KRABD5: variants seen among roughly 807,000 people sequenced by gnomAD.
The protein encoded by KRABD5 is KRAB domain containing 5.
chr16:31,723,139 T>G, the KRABD5 span: 1 of 1,085,424 alleles, frequency 9.2e-7, no homozygotes, highest in South Asian at 1.5e-5. Flanking sequence ...CAGGAAACAG[T>G]ATTTGGGGAA....
chr16:31,722,738 A>G, the KRABD5 span: 43 of 1,605,250 alleles, frequency 2.7e-5, no homozygotes, highest in Admixed American at 5.2e-5. Flanking sequence ...AACTACGGAA[A>G]CCTGGTCTCT....
At chr16:31,725,245 A>G in the KRABD5 span, among the ~76,000 whole-genome samples, 1 of 152,064 alleles carries the variant, frequency 6.6e-6, no homozygotes, top group Non-Finnish European at 1.5e-5. Flanking sequence ...CCTCCCAAGT[A>G]GCTGGGATTA....
the KRABD5 span, among the ~76,000 whole-genome samples, chr16:31,746,440 G>T: frequency 6.6e-6 from 1 of 152,072 alleles, no homozygotes; most frequent in African/African-American, 2.4e-5. Flanking sequence ...TTGAATATTG[G>T]CCCCCAGTCT....
chr16:31,747,462 G>A, the KRABD5 span, among the ~76,000 whole-genome samples: 41 of 152,176 alleles, frequency 2.7e-4, no homozygotes, highest in African/African-American at 9.9e-4. Context: ...ATGTGCATGT[G>A]TCTTTATAGA....
the KRABD5 span, chr16:31,755,053 T>C: frequency 2.1e-6 from 1 of 477,648 alleles, no homozygotes; most frequent in Non-Finnish European, 4.3e-6. Context: ...CTTACAAATG[T>C]AAAGAATGTG....
chr16:31,754,707 C>T, the KRABD5 span: 85 of 458,434 alleles, frequency 1.9e-4, no homozygotes, highest in East Asian at 2.3e-3. Context: ...GGAGAAAAGT[C>T]ACACAGATGT....
the KRABD5 span, among the ~76,000 whole-genome samples, chr16:31,752,628 A>C: frequency 2.0e-5 from 3 of 152,172 alleles, no homozygotes; most frequent in Non-Finnish European, 2.9e-5. Flanking sequence ...CACTTTGAGA[A>C]TCTGAGGCTA....
chr16:31,713,578 TGGC>T, the KRABD5 span: 53 of 1,267,022 alleles, frequency 4.2e-5, no homozygotes, highest in Non-Finnish European at 5.0e-5. Context: ...CGCCGCAAGA[TGGC>T]GGCCGGGCCG....
the KRABD5 span, among the ~76,000 whole-genome samples, chr16:31,716,321 C>T: frequency 6.6e-6 from 1 of 152,192 alleles, no homozygotes; most frequent in Non-Finnish European, 1.5e-5. Context: ...CCAGTCCTTC[C>T]ACCAGTTCTG....
At chr16:31,751,502 C>CAT in the KRABD5 span, among the ~76,000 whole-genome samples, 1,386 of 152,266 alleles carry the variant, frequency 9.1e-3, 7 homozygotes, top group Non-Finnish European at 0.014. Context: ...CTTCCCTATT[C>CAT]AATCTTTGGA....
At chr16:31,756,259 T>C in the KRABD5 span, 1 of 152,206 alleles carries the variant, frequency 6.6e-6, no homozygotes, top group Non-Finnish European at 1.5e-5. Context: ...CTCTTTGTGT[T>C]TGAATCATTA....
the KRABD5 span, among the ~76,000 whole-genome samples, chr16:31,725,095 T>C: frequency 6.8e-6 from 1 of 146,440 alleles, no homozygotes; most frequent in African/African-American, 2.5e-5. Context: ...CAGATATCTC[T>C]TTAACATACT....
At chr16:31,716,997 GTTTTT>G in the KRABD5 span, among the ~76,000 whole-genome samples, 3 of 81,166 alleles carry the variant, frequency 3.7e-5, no homozygotes, top group East Asian at 3.3e-4. Flanking sequence ...GTCAGTCTTT[GTTTTT>G]TTTTTTTTTT....
chr16:31,736,708 C>T, the KRABD5 span, among the ~76,000 whole-genome samples: 12 of 151,798 alleles, frequency 7.9e-5, no homozygotes, highest in South Asian at 8.3e-4. Flanking sequence ...TTGATAGAGA[C>T]AGGGTTTCAC....
the KRABD5 span, chr16:31,722,598 G>C: frequency 6.2e-7 from 1 of 1,610,720 alleles, no homozygotes; most frequent in East Asian, 2.2e-5. Context: ...TGGCCACATG[G>C]TCAATGTGCT....
chr16:31,755,569 C>G, the KRABD5 span: 1 of 464,592 alleles, frequency 2.2e-6, no homozygotes, highest in East Asian at 6.9e-5. Context: ...AGGATTGTGG[C>G]ATCTCCTTTA....
At chr16:31,727,218 G>T in the KRABD5 span, among the ~76,000 whole-genome samples, 3 of 152,160 alleles carry the variant, frequency 2.0e-5, no homozygotes. Flanking sequence ...CACCTAATCT[G>T]CAAGCAGAGA....
At chr16:31,720,007 A>G in the KRABD5 span, among the ~76,000 whole-genome samples, 5 of 152,358 alleles carry the variant, frequency 3.3e-5, 1 homozygote, top group Admixed American at 3.3e-4. Flanking sequence ...GAGAAAGGCT[A>G]GGCCATTATC....
the KRABD5 span, among the ~76,000 whole-genome samples, chr16:31,716,861 A>G: frequency 5.3e-5 from 8 of 152,218 alleles, no homozygotes; most frequent in Non-Finnish European, 1.2e-4. Flanking sequence ...AAGGGAAGAC[A>G]TATTTCTCTC....
Sources: allele counts gnomAD v4.1 joint callset (sites outside exome capture counted in the v4.1 genomes callset), GRCh38; gene constraint gnomAD v4.1.1; transcripts MANE v1.5; gene names NCBI Gene and HGNC (gene_info 2026-07-23, HGNC 2026-07-21).